The following RALGPS1 variants were observed in gnomAD, a reference collection of about 807,000 sequenced individuals.
The protein encoded by RALGPS1 is ras-specific guanine nucleotide-releasing factor RalGPS1.
In RALGPS1, 19 loss-of-function variants were observed where a neutral mutation model predicts 78.8. That is an observed-to-expected ratio of 0.24 (90% CI 0.17 to 0.35). RALGPS1 has a LOEUF of 0.35. Among genes scored for constraint, RALGPS1 ranks in the 10% least tolerant of loss-of-function variants. RALGPS1 has a pLI of 1.00. For synonymous variants in RALGPS1, 228 were observed against 256.3 expected (o/e 0.89, Z 1.06); for missense variants, 454 against 688.3 (o/e 0.66, Z 3.81).
intron 4 of RALGPS1, among the ~76,000 whole-genome samples, chr9:127,030,414 A>G (rs1443025336): frequency 6.6e-6 from 1 of 152,208 alleles, no homozygotes; most frequent in Non-Finnish European, 1.5e-5. Flanking sequence ...AGGAGAACAC[A>G]GTGTGCAAAG....
At chr9:127,089,267 C>G in intron 8 of RALGPS1, 1 of 927,006 alleles carries the variant, frequency 1.1e-6, no homozygotes, top group South Asian at 1.6e-5. Flanking sequence ...AAGGTGGACC[C>G]GTCTCCATGG....
At chr9:127,201,923 C>CA (rs1000888376) in intron 14 of RALGPS1, among the ~76,000 whole-genome samples, 2 of 152,220 alleles carry the variant, frequency 1.3e-5, no homozygotes, top group African/African-American at 2.4e-5. Context: ...CTCGAGCAGA[C>CA]AGAGGCCGTG....
At chr9:126,940,326 C>T (rs1237249289) in intron 1 of RALGPS1, among the ~76,000 whole-genome samples, 1 of 152,096 alleles carries the variant, frequency 6.6e-6, no homozygotes, top group Non-Finnish European at 1.5e-5. Flanking sequence ...AAAGTCCAAG[C>T]CACGTAAATT....
At chr9:126,929,323 A>G (rs978805741) in intron 1 of RALGPS1, among the ~76,000 whole-genome samples, 1 of 152,252 alleles carries the variant, frequency 6.6e-6, no homozygotes, top group Non-Finnish European at 1.5e-5. Flanking sequence ...AGGTACAAGG[A>G]AGGAACTATT....
chr9:126,947,454 TG>T (rs1336735492), intron 1 of RALGPS1, among the ~76,000 whole-genome samples: 1 of 152,242 alleles, frequency 6.6e-6, no homozygotes, highest in African/African-American at 2.4e-5. Context: ...GATGCTCAGC[TG>T]GTAAGATAAT....
At chr9:127,047,051 A>G (rs1013435232) in intron 5 of RALGPS1, among the ~76,000 whole-genome samples, 1 of 151,476 alleles carries the variant, frequency 6.6e-6, no homozygotes, top group Non-Finnish European at 1.5e-5. Flanking sequence ...GATCTGCTTC[A>G]ACTTGTTGAT....
At chr9:127,184,521 T>C (rs926467130) in intron 11 of RALGPS1, among the ~76,000 whole-genome samples, 1 of 152,102 alleles carries the variant, frequency 6.6e-6, no homozygotes, top group African/African-American at 2.4e-5. Context: ...GGGGCCCCAG[T>C]GTCCTGGAGA....
chr9:126,996,693 T>G (rs1169752010), intron 4 of RALGPS1, among the ~76,000 whole-genome samples: 1 of 152,232 alleles, frequency 6.6e-6, no homozygotes, highest in Non-Finnish European at 1.5e-5. Flanking sequence ...GAGGCCAGCA[T>G]CATCCTGATA....
At chr9:127,172,239 C>T in intron 10 of RALGPS1, among the ~76,000 whole-genome samples, 1 of 152,240 alleles carries the variant, frequency 6.6e-6, no homozygotes, top group East Asian at 1.9e-4. Context: ...TGGCTGCCCT[C>T]CTTTGTTTCT....
intron 10 of RALGPS1, among the ~76,000 whole-genome samples, chr9:127,173,824 G>A (rs1046665813): frequency 6.6e-6 from 1 of 152,206 alleles, no homozygotes; most frequent in African/African-American, 2.4e-5. Flanking sequence ...ACCAACCTGG[G>A]CAACACGGTG....
chr9:127,015,100 A>G (rs917010589), intron 4 of RALGPS1, among the ~76,000 whole-genome samples: 3 of 152,314 alleles, frequency 2.0e-5, no homozygotes, highest in Admixed American at 2.0e-4. Context: ...TGTTCCTTTT[A>G]TAACCCCTGT....
intron 1 of RALGPS1, among the ~76,000 whole-genome samples, chr9:126,942,846 C>CT (rs907491450): frequency 1.1e-3 from 161 of 150,852 alleles, no homozygotes; most frequent in Admixed American, 3.6e-3. Context: ...TGATTTAAGT[C>CT]TTTTTTTTTG....
chr9:127,119,713 G>A (rs2055843982), intron 8 of RALGPS1, among the ~76,000 whole-genome samples: 1 of 152,230 alleles, frequency 6.6e-6, no homozygotes, highest in African/African-American at 2.4e-5. Flanking sequence ...CTGCCCGTGA[G>A]CTTCAGCAAT....
rs1371576130 is a variant in RALGPS1 at position 127,211,409 on chromosome 9, A to G, written c.1248-722A>G. ...GGATGGCGAAGATGGATGGTCAGAC[A>G]TATTTAGTGCCTGATCCCCAGTGCA... On this transcript the variant is annotated intron_variant, in intron 14 of 18. Coordinates refer to ENST00000259351, the MANE Select transcript of RALGPS1 (RefSeq NM_014636.3). This position sits in a 1 kb window ranked among gnomAD's most constrained non-coding sequence, Gnocchi z 5.0. Among the ~76,000 whole-genome samples the G allele has an allele frequency of 6.6e-6, 1 of 152,190 alleles. No homozygotes were observed. Among genetic ancestry groups the G allele is most frequent in the African/African-American group, 2.4e-5 (1 of 41,440 alleles).
At chr9:127,024,692 TTCTTC>T (rs1233044604) in intron 4 of RALGPS1, among the ~76,000 whole-genome samples, 2 of 152,146 alleles carry the variant, frequency 1.3e-5, no homozygotes, top group African/African-American at 4.8e-5. Flanking sequence ...CCTGTAGATT[TTCTTC>T]TCTTTTAATC....
At chr9:127,110,316 C>T (rs961992325) in intron 8 of RALGPS1, among the ~76,000 whole-genome samples, 4 of 152,136 alleles carry the variant, frequency 2.6e-5, no homozygotes, top group African/African-American at 9.7e-5. Flanking sequence ...AGTTGGGCTC[C>T]CTTCTTGACC....
At chr9:126,999,897 C>G (rs1367156697) in intron 4 of RALGPS1, among the ~76,000 whole-genome samples, 5 of 152,198 alleles carry the variant, frequency 3.3e-5, no homozygotes, top group Non-Finnish European at 5.9e-5. Flanking sequence ...TTTAGTTTCT[C>G]TAACTATTCA....
In RALGPS1 at chr9:127,220,398, G is replaced by A. The variant is rs2062741194; in HGVS notation, c.*1629G>A. 6.6e-6 allele frequency: 1 copy of A among 152,214 alleles called. No homozygotes were observed. The highest frequency in any genetic ancestry group is 2.1e-4 in the South Asian group (1 of 4,828). 9.4% of individuals were successfully genotyped at this position (152,214 alleles called of 1,614,324 possible). A position where few individuals can be genotyped will look rare whatever the true frequency, so the allele number is the denominator to read the frequency against. ...ACTTCTTTAGAAATTTGAATGGCTT[G>A]GTGAGGAAAGTAGTTGTCACCAGGG... On this transcript the variant is annotated 3_prime_UTR_variant, in exon 19 of 19. Transcript: ENST00000259351.
rs1378168110 is a variant in RALGPS1, at chr9:127,195,094, C to A, written c.914C>A (p.Pro305His). Residue 305 changes from proline to histidine, a missense_variant, in exon 12 of 19, where the codon CCC becomes CAC. Coordinates refer to ENST00000259351, the MANE Select transcript of RALGPS1 (RefSeq NM_014636.3). The stretch of plus-strand genomic sequence containing the variant: ...GCTCTCTCTGCTCTGTTTGCAGGTC[C>A]CTCTGCTGGCTCCGGTTCTGCGAGG... ...LVSSKEDLAG[P>H]SAGSGSARFS... 1 of 1,613,428 alleles carries A rather than the reference C, an allele frequency of 6.2e-7. No individual in the cohort carries two copies. The highest frequency in any genetic ancestry group is 1.3e-5 in the African/African-American group (1 of 75,032).
Sources: allele counts gnomAD v4.1 joint callset (sites outside exome capture counted in the v4.1 genomes callset), GRCh38; gene constraint gnomAD v4.1.1; non-coding constraint Gnocchi (gnomAD v3.1); transcripts MANE v1.5; gene names NCBI Gene and HGNC (gene_info 2026-07-23, HGNC 2026-07-21).